Variants in GPR39 observed in about 807,000 individuals in gnomAD.
GPR39 encodes zinc sensing receptor.
GPR39 carries 23 observed loss-of-function variants against 18.4 expected under a neutral mutation model. That is an observed-to-expected ratio of 1.25 (90% CI 0.90 to 1.77). GPR39 has a LOEUF of 1.77. Among genes scored for constraint, GPR39 ranks in the 40% most tolerant of loss-of-function variants. The probability of loss-of-function intolerance (pLI) is 0.00; values close to 1 mark genes in which losing one functional copy is unlikely to be tolerated. For synonymous variants in GPR39, 280 were observed against 257.9 expected (o/e 1.09, Z -0.82); for missense variants, 647 against 602.4 (o/e 1.07, Z -0.78).
At chr2:132,516,027 G>A (rs1364647205) in intron 1 of GPR39, among the ~76,000 whole-genome samples, 1 of 152,090 alleles carries the variant, frequency 6.6e-6, no homozygotes, top group Non-Finnish European at 1.5e-5. Flanking sequence ...CGGAGTCCCA[G>A]CCATCAGCCT....
At chr2:132,498,122 C>G (rs1234887793) in intron 1 of GPR39, among the ~76,000 whole-genome samples, 1 of 152,026 alleles carries the variant, frequency 6.6e-6, no homozygotes, top group African/African-American at 2.4e-5. Context: ...TTTTGGGGAA[C>G]AGATAATGCT....
intron 1 of GPR39, among the ~76,000 whole-genome samples, chr2:132,459,567 A>C (rs772339814): frequency 3.7e-4 from 56 of 152,176 alleles, no homozygotes; most frequent in Non-Finnish European, 6.5e-4. Context: ...TCTAAATAAT[A>C]GGGCATTTAG....
chr2:132,567,787 A>C (rs569651787), intron 1 of GPR39, among the ~76,000 whole-genome samples: 24 of 152,068 alleles, frequency 1.6e-4, no homozygotes, highest in Non-Finnish European at 2.6e-4. Flanking sequence ...AAAACTACTG[A>C]TACTTGGGCC....
intron 1 of GPR39, among the ~76,000 whole-genome samples, chr2:132,594,094 T>C (rs997926234): frequency 1.5e-4 from 23 of 152,186 alleles, no homozygotes; most frequent in African/African-American, 5.3e-4. Flanking sequence ...TGGGTGACTT[T>C]ACAATGTGAA....
chr2:132,556,866 G>A (rs1573665266), intron 1 of GPR39, among the ~76,000 whole-genome samples: 1 of 152,140 alleles, frequency 6.6e-6, no homozygotes, highest in East Asian at 1.9e-4. Flanking sequence ...TTTCCTTAGG[G>A]TAGGTGACAG....
At chr2:132,644,902 C>T (rs1249156610) in intron 1 of GPR39, 199 bp from the exon 2 acceptor site, 21 of 601,912 alleles carry the variant, frequency 3.5e-5, no homozygotes, top group South Asian at 2.1e-4. Flanking sequence ...CCAACTCCCC[C>T]GGGTTTGAAA....
At chr2:132,521,644 C>T (rs1679428497) in intron 1 of GPR39, among the ~76,000 whole-genome samples, 1 of 152,198 alleles carries the variant, frequency 6.6e-6, no homozygotes, top group Admixed American at 6.5e-5. Context: ...TGGCATACAA[C>T]CAATTTCACC....
intron 1 of GPR39, among the ~76,000 whole-genome samples, chr2:132,490,919 G>A (rs1339183935): frequency 6.6e-6 from 1 of 152,192 alleles, no homozygotes; most frequent in African/African-American, 2.4e-5. Flanking sequence ...GGCTAAAGGG[G>A]CTGCGAAGGC....
intron 1 of GPR39, among the ~76,000 whole-genome samples, chr2:132,556,844 C>T (rs1055476812): frequency 2.0e-5 from 3 of 152,158 alleles, no homozygotes; most frequent in Non-Finnish European, 2.9e-5. Context: ...CCTTTGAAGA[C>T]ACCAAGGCTC....
chr2:132,543,223 G>T (rs1051550732), intron 1 of GPR39, among the ~76,000 whole-genome samples: 3 of 152,148 alleles, frequency 2.0e-5, no homozygotes, highest in Non-Finnish European at 4.4e-5. Context: ...CCCTTTCACA[G>T]TTGAATACCA....
intron 1 of GPR39, among the ~76,000 whole-genome samples, chr2:132,620,104 C>T (rs1233695491): frequency 6.6e-6 from 1 of 152,204 alleles, no homozygotes; most frequent in Non-Finnish European, 1.5e-5. Flanking sequence ...GCTGGGGTCT[C>T]TCTGTTCAGA....
chr2:132,474,836 C>A (rs1296838849), intron 1 of GPR39, among the ~76,000 whole-genome samples: 2 of 152,200 alleles, frequency 1.3e-5, no homozygotes, highest in African/African-American at 4.8e-5. Context: ...CTGCAGTGGA[C>A]AGCCGCCATA....
chr2:132,619,745 T>C (rs1340931935), intron 1 of GPR39, among the ~76,000 whole-genome samples: 2 of 151,944 alleles, frequency 1.3e-5, no homozygotes, highest in African/African-American at 4.8e-5. Flanking sequence ...TTTCAGATCC[T>C]TGCCATATAC....
intron 1 of GPR39, among the ~76,000 whole-genome samples, chr2:132,430,946 C>A (rs1290535303): frequency 6.6e-6 from 1 of 152,140 alleles, no homozygotes; most frequent in Non-Finnish European, 1.5e-5. Flanking sequence ...TTCCCCCTGG[C>A]TGAGTCCTGG....
chr2:132,546,390 C>T (rs1024930423), intron 1 of GPR39, among the ~76,000 whole-genome samples: 2 of 152,072 alleles, frequency 1.3e-5, no homozygotes, highest in South Asian at 2.1e-4. Context: ...CTGGACAGAT[C>T]GGGGGATAGG....
chr2:132,440,275 A>G (rs796715566), intron 1 of GPR39, among the ~76,000 whole-genome samples: 14 of 152,282 alleles, frequency 9.2e-5, no homozygotes, highest in Admixed American at 5.9e-4. Context: ...AGTGAGTTCT[A>G]TTGTGGCAGA....
intron 1 of GPR39, among the ~76,000 whole-genome samples, chr2:132,481,724 C>G (rs541402027): frequency 6.6e-6 from 1 of 152,218 alleles, no homozygotes; most frequent in South Asian, 2.1e-4. Context: ...TTTTATAGAA[C>G]AATATGTGAC....
Position 132,417,330 on chromosome 2 carries a change from G to T in GPR39, c.288G>T (p.Trp96Cys). 1 of 1,614,066 alleles carries T rather than the reference G, an allele frequency of 6.2e-7. No individual in the cohort carries two copies. The highest frequency in any genetic ancestry group is 8.5e-7 in the Non-Finnish European group (1 of 1,179,986). ...GMPMEFYSII[W>C]NPLTTSSYTL... ...CCATGGAGTTCTACAGCATCATCTGGAATCCCCTGACCACGTCCAGCTACA... is the reference window on the plus strand; with the variant it reads ...CCATGGAGTTCTACAGCATCATCTGTAATCCCCTGACCACGTCCAGCTACA... The change falls in exon 1 of 2, where the codon TGG becomes TGT. Residue 96 changes from tryptophan to cysteine, a missense_variant. This residue lies in a region of GPR39 where 581 missense variants were observed against 506.8 expected (regional missense o/e 1.15). Transcript: ENST00000329321.
chr2:132,476,346 T>C (rs1681124812), intron 1 of GPR39, among the ~76,000 whole-genome samples: 1 of 152,050 alleles, frequency 6.6e-6, no homozygotes, highest in Non-Finnish European at 1.5e-5. Context: ...TTGAAAGATA[T>C]ATTCCCAGGC....
Sources: gnomAD v4.1 joint callset for allele counts (sites outside exome capture counted in the v4.1 genomes callset) on GRCh38, gnomAD v4.1.1 for gene constraint, gnomAD v4.1.1 regional missense constraint, MANE v1.5 for transcripts, NCBI Gene and HGNC (gene_info 2026-07-23, HGNC 2026-07-21) for gene names.